Variants in DSCAML1 observed in about 807,000 individuals in gnomAD.
DSCAML1 encodes the protein DS cell adhesion molecule like 1.
In DSCAML1, 38 loss-of-function variants were observed where a neutral mutation model predicts 200.5. The observed-to-expected ratio is 0.19, with a 90% CI of 0.15 to 0.25. DSCAML1 has a LOEUF of 0.25. Ranked by LOEUF, DSCAML1 falls within the 10% of genes least tolerant of loss-of-function variation. DSCAML1 has a pLI of 1.00. For synonymous variants in DSCAML1, 1,215 were observed against 1,165.0 expected, an observed-to-expected ratio of 1.04 and a Z score of -0.87; for missense variants, 2,223 against 2,858.8, an observed-to-expected ratio of 0.78 and a Z score of 5.07.
At chr11:117,789,442 C>T (rs1248647047) in intron 1 of DSCAML1, among the ~76,000 whole-genome samples, 1 of 152,072 alleles carries the variant, frequency 6.6e-6, no homozygotes, top group Non-Finnish European at 1.5e-5. Context: ...TTATTTTTTC[C>T]AATCTCCTCC....
intron 3 of DSCAML1, among the ~76,000 whole-genome samples, chr11:117,722,300 G>C (rs2054053417): frequency 6.7e-6 from 1 of 149,600 alleles, no homozygotes; most frequent in African/African-American, 2.5e-5. Context: ...ACTCATATGG[G>C]GGAGCTAAAA....
intron 21 of DSCAML1, among the ~76,000 whole-genome samples, chr11:117,442,309 G>A (rs991896873): frequency 6.6e-6 from 1 of 150,416 alleles, no homozygotes; most frequent in African/African-American, 2.5e-5. Context: ...GTGTGCATAT[G>A]TGTATGCATG....
At chr11:117,749,327 G>C (rs2054566225) in intron 3 of DSCAML1, among the ~76,000 whole-genome samples, 1 of 152,222 alleles carries the variant, frequency 6.6e-6, no homozygotes, top group South Asian at 2.1e-4. Flanking sequence ...CCCATTCAGA[G>C]AGCGGCATGT....
intron 3 of DSCAML1, among the ~76,000 whole-genome samples, chr11:117,604,087 T>C (rs868210753): frequency 6.4e-4 from 98 of 152,218 alleles, no homozygotes; most frequent in African/African-American, 2.3e-3. Flanking sequence ...CCCAGGCAGA[T>C]TGCCTCTTGC....
At chr11:117,529,397 C>T (rs1418014662) in intron 4 of DSCAML1, among the ~76,000 whole-genome samples, 1 of 152,152 alleles carries the variant, frequency 6.6e-6, no homozygotes, top group Non-Finnish European at 1.5e-5. Flanking sequence ...AGGAGATATT[C>T]TGTTTCATTC....
chr11:117,746,019 C>A (rs530438669), intron 3 of DSCAML1, among the ~76,000 whole-genome samples: 85 of 151,490 alleles, frequency 5.6e-4, no homozygotes, highest in African/African-American at 2.0e-3. Context: ...TCGAGAACAC[C>A]CTGGATAACA....
At chr11:117,792,753 A>G (rs958860757) in intron 1 of DSCAML1, among the ~76,000 whole-genome samples, 1 of 152,146 alleles carries the variant, frequency 6.6e-6, no homozygotes, top group Non-Finnish European at 1.5e-5. Flanking sequence ...CTGGATTTCT[A>G]TAGCTAGTTT....
intron 3 of DSCAML1, among the ~76,000 whole-genome samples, chr11:117,696,187 C>T (rs758165216): frequency 4.6e-5 from 7 of 152,198 alleles, no homozygotes; most frequent in African/African-American, 1.7e-4. Flanking sequence ...CAAGAAGCTT[C>T]GCACGGGGTA....
chr11:117,633,585 C>T (rs1167567620), intron 3 of DSCAML1, among the ~76,000 whole-genome samples: 2 of 152,214 alleles, frequency 1.3e-5, no homozygotes, highest in East Asian at 1.9e-4. Context: ...ATACCAACCT[C>T]GTCTGGGCGA....
chr11:117,480,558 G>C lies in DSCAML1; in HGVS notation c.2670C>G (p.Pro890=). ...TCACCTCCCGGATCTCCAGCTCTGGGGGGTCGGGGGGCTCTAGGGTGCGGC... is the reference window on the plus strand; with the variant it reads ...TCACCTCCCGGATCTCCAGCTCTGGCGGGTCGGGGGGCTCTAGGGTGCGGC... ...IQLTVQEPPD[P]PELEIREVKA... The change falls in exon 14 of 33, where the codon CCC becomes CCG. Residue 890 remains proline, a synonymous_variant. Transcript: ENST00000651296. The surrounding 1 kb of genome is among the most constrained non-coding windows in gnomAD (Gnocchi z 4.1). 6.4e-7 allele frequency: 1 copy of C among 1,564,036 alleles called. No individual in the cohort carries two copies. The highest frequency in any genetic ancestry group is 8.7e-7 in the Non-Finnish European group (1 of 1,153,554).
chr11:117,653,110 C>T (rs917435948), intron 3 of DSCAML1, among the ~76,000 whole-genome samples: 14 of 152,158 alleles, frequency 9.2e-5, no homozygotes, highest in African/African-American at 3.4e-4. Context: ...ACAAGCAGCA[C>T]ATTCCCTGGC....
intron 3 of DSCAML1, among the ~76,000 whole-genome samples, chr11:117,716,770 T>C (rs1481899152): frequency 6.6e-6 from 1 of 152,162 alleles, no homozygotes; most frequent in Non-Finnish European, 1.5e-5. Flanking sequence ...TTACATGAAA[T>C]TCAAATTTCG....
At chr11:117,787,766 A>G (rs1277175402) in intron 1 of DSCAML1, among the ~76,000 whole-genome samples, 1 of 152,228 alleles carries the variant, frequency 6.6e-6, no homozygotes, top group Non-Finnish European at 1.5e-5. Context: ...TGCAGTAGCC[A>G]CACAGCTTTT....
chr11:117,458,034 G>A (rs544349117), intron 19 of DSCAML1, among the ~76,000 whole-genome samples: 9 of 152,250 alleles, frequency 5.9e-5, no homozygotes, highest in South Asian at 4.1e-4. Flanking sequence ...GGCTGGAGGC[G>A]GAAGCCCAGA....
At chr11:117,658,656 T>C (rs2052780600) in intron 3 of DSCAML1, among the ~76,000 whole-genome samples, 1 of 152,166 alleles carries the variant, frequency 6.6e-6, no homozygotes, top group Non-Finnish European at 1.5e-5. Context: ...CAACAAAAGG[T>C]TAACATCTCA....
chr11:117,598,478 G>A (rs1017699090), intron 3 of DSCAML1, among the ~76,000 whole-genome samples: 1 of 152,086 alleles, frequency 6.6e-6, no homozygotes, highest in Non-Finnish European at 1.5e-5. Context: ...GGGCATCTAG[G>A]GTGACTTAGG....
At chr11:117,626,208 CCT>C (rs144156436) in intron 3 of DSCAML1, among the ~76,000 whole-genome samples, 38,507 of 132,342 alleles carry the variant, frequency 0.29, 4,632 homozygotes, top group Admixed American at 0.42. Flanking sequence ...GACCCCCCCC[CCT>C]CCTTCTTCTG....
intron 3 of DSCAML1, among the ~76,000 whole-genome samples, chr11:117,555,929 T>A (rs1004236146): frequency 7.9e-6 from 1 of 126,644 alleles, no homozygotes; most frequent in African/African-American, 3.0e-5. Context: ...GGGAGCTTAT[T>A]CCAAGGGTCC....
In DSCAML1 at chr11:117,727,649, T is replaced by C. The variant is rs539397691; in HGVS notation, c.511+49142A>G. Among the ~76,000 whole-genome samples the C allele has an allele frequency of 8.1e-5, 12 of 149,000 alleles. No homozygotes were observed. In the South Asian group the frequency reaches 2.3e-3, roughly 29 times the overall value. On this transcript the variant is annotated intron_variant, in intron 3 of 32. Coordinates refer to ENST00000651296, the MANE Select transcript of DSCAML1 (RefSeq NM_020693.4). Reference sequence around the variant, plus strand: ...ATCAGGAGTCCCCACATGAATGTCTTTGAGAAGCCGACATTTTAGCAGGGA... The same window carrying C: ...ATCAGGAGTCCCCACATGAATGTCTCTGAGAAGCCGACATTTTAGCAGGGA...
Sources: gnomAD v4.1 joint callset for allele counts (sites outside exome capture counted in the v4.1 genomes callset) on GRCh38, gnomAD v4.1.1 for gene constraint, Gnocchi (gnomAD v3.1) non-coding constraint, MANE v1.5 for transcripts, NCBI Gene and HGNC (gene_info 2026-07-23, HGNC 2026-07-21) for gene names.